The following GNAQ variants were observed in gnomAD, a reference collection of about 807,000 sequenced individuals.
GNAQ encodes the protein G protein subunit alpha q, also known as guanine nucleotide-binding protein G(q) subunit alpha.
A neutral mutation model predicts 43.9 loss-of-function variants in GNAQ; 8 were observed. That is an observed-to-expected ratio of 0.18 (90% CI 0.11 to 0.33). The LOEUF (loss-of-function observed/expected upper bound fraction) is 0.33, where lower values mean the gene tolerates loss of function less well. GNAQ is among the 10% of genes least tolerant of loss of function. GNAQ has a pLI of 1.00. For missense variants in GNAQ, 158 were observed against 450.8 expected, an observed-to-expected ratio of 0.35 and a Z score of 5.88; for synonymous variants, 155 against 170.7, an observed-to-expected ratio of 0.91 and a Z score of 0.71.
At chr9:77,892,639 A>G (rs1044410869) in intron 2 of GNAQ, among the ~76,000 whole-genome samples, 1 of 152,240 alleles carries the variant, frequency 6.6e-6, no homozygotes, top group African/African-American at 2.4e-5. Flanking sequence ...ATAGAAGCTG[A>G]AGAGCATTAT....
At chr9:77,907,075 A>G (rs1412658287) in intron 2 of GNAQ, among the ~76,000 whole-genome samples, 1 of 152,214 alleles carries the variant, frequency 6.6e-6, no homozygotes, top group Non-Finnish European at 1.5e-5. Flanking sequence ...AGGATCTAGT[A>G]TTTATAGAAA....
intron 6 of GNAQ, among the ~76,000 whole-genome samples, chr9:77,728,155 C>T (rs1305445432): frequency 1.3e-5 from 2 of 152,054 alleles, no homozygotes; most frequent in African/African-American, 4.8e-5. Flanking sequence ...CCACCACGCC[C>T]AGCTAATTTT....
At chr9:77,789,212 G>A (rs1235922265) in intron 5 of GNAQ, among the ~76,000 whole-genome samples, 1 of 151,902 alleles carries the variant, frequency 6.6e-6, no homozygotes, top group Non-Finnish European at 1.5e-5. Context: ...TGGAATATAT[G>A]GCTACACACA....
chr9:77,859,293 T>C (rs1827807502), intron 2 of GNAQ, among the ~76,000 whole-genome samples: 1 of 152,230 alleles, frequency 6.6e-6, no homozygotes, highest in Non-Finnish European at 1.5e-5. Context: ...GAAAGTATAT[T>C]CTTACAGTAC....
intron 5 of GNAQ, among the ~76,000 whole-genome samples, chr9:77,747,160 T>G (rs1472691967): frequency 6.6e-6 from 1 of 152,094 alleles, no homozygotes; most frequent in Non-Finnish European, 1.5e-5. Flanking sequence ...CTTCTATGTA[T>G]GTGGAATTTT....
At chr9:77,741,411 G>A (rs1041143349) in intron 5 of GNAQ, among the ~76,000 whole-genome samples, 1 of 152,136 alleles carries the variant, frequency 6.6e-6, no homozygotes, top group Non-Finnish European at 1.5e-5. Flanking sequence ...GGTCTCCCCC[G>A]ATAAATCTGT....
chr9:77,878,494 A>G (rs1485799930), intron 2 of GNAQ, among the ~76,000 whole-genome samples: 1 of 152,112 alleles, frequency 6.6e-6, no homozygotes, highest in East Asian at 1.9e-4. Flanking sequence ...GATTTTTGAA[A>G]TTGAACTGCA....
chr9:77,947,485 G>A (rs891814890), intron 1 of GNAQ, among the ~76,000 whole-genome samples: 6 of 152,156 alleles, frequency 3.9e-5, no homozygotes, highest in African/African-American at 1.2e-4. Context: ...GCATGTGTGG[G>A]TACAAGAAAC....
At chr9:77,724,925 C>CAGAGA (rs1424660690) in intron 6 of GNAQ, among the ~76,000 whole-genome samples, 1 of 151,032 alleles carries the variant, frequency 6.6e-6, no homozygotes, top group Non-Finnish European at 1.5e-5. Flanking sequence ...CTATTAACTC[C>CAGAGA]AGAGAAGTAA....
In GNAQ at chr9:77,743,060, C is replaced by A. The variant is rs563273874; in HGVS notation, c.736-14393G>T. ...GGATCACAAGGTCAAGAGATTGAGA[C>A]CACCCTGGCTAACACGGTGAAACCC... On this transcript the variant is annotated intron_variant, in intron 5 of 6. Transcript: ENST00000286548. Among the ~76,000 whole-genome samples the A allele has an allele frequency of 2.0e-5, 3 of 152,254 alleles. No homozygotes were observed. In the East Asian group the frequency reaches 5.8e-4, roughly 29 times the overall value.
rs892446664 is a variant in GNAQ at position 77,756,033 on chromosome 9, A to G, written c.736-27366T>C. ...CAGTGCAGCCGGAATCAAAGCAGGCAGAAGAACATGGAAAGACTAGACTGG... is the reference window on the plus strand; with the variant it reads ...CAGTGCAGCCGGAATCAAAGCAGGCGGAAGAACATGGAAAGACTAGACTGG... On this transcript the variant is annotated intron_variant, in intron 5 of 6. Transcript: ENST00000286548. Among the ~76,000 whole-genome samples the G allele has an allele frequency of 1.2e-4, 19 of 152,180 alleles. 1 individual carries two copies. Among genetic ancestry groups the G allele is most frequent in the Admixed American group, 3.9e-4 (6 of 15,284 alleles).
chr9:77,719,426 T>G lies in GNAQ; in HGVS notation c.*1897A>C. 1 of 232,634 alleles carries G rather than the reference T, an allele frequency of 4.3e-6. No homozygotes were observed. The highest frequency in any genetic ancestry group is 8.5e-6 in the Non-Finnish European group (1 of 117,686). 14.4% of individuals were successfully genotyped at this position (232,634 alleles called of 1,614,324 possible). ...TGTTTGTTAAATTACAGGTACTTTC[T>G]GAGCAAGGGAAAAAAAAAGTAAGCT... On this transcript the variant is annotated 3_prime_UTR_variant, in exon 7 of 7. Coordinates refer to ENST00000286548, the MANE Select transcript of GNAQ (RefSeq NM_002072.5).
intron 2 of GNAQ, among the ~76,000 whole-genome samples, chr9:77,868,224 A>G (rs1827979751): frequency 6.6e-6 from 1 of 152,236 alleles, no homozygotes; most frequent in Admixed American, 6.5e-5. Context: ...AAATGGTTAC[A>G]CTTTTCAAAA....
intron 1 of GNAQ, among the ~76,000 whole-genome samples, chr9:77,926,870 C>G (rs1218260899): frequency 1.3e-5 from 2 of 152,104 alleles, no homozygotes. Flanking sequence ...TATGAGAAGG[C>G]CACTTCATCC....
chr9:77,795,934 T>G (rs965943642), intron 4 of GNAQ, among the ~76,000 whole-genome samples: 155 of 152,234 alleles, frequency 1.0e-3, no homozygotes, highest in African/African-American at 3.7e-3. Context: ...AATTGTAATC[T>G]GGTTTCAGAA....
chr9:77,948,781 T>C (rs1822938021), intron 1 of GNAQ, among the ~76,000 whole-genome samples: 1 of 152,174 alleles, frequency 6.6e-6, no homozygotes, highest in Non-Finnish European at 1.5e-5. Flanking sequence ...TTTAAATGAA[T>C]ATTCCTACAG....
chr9:77,841,311 A>C (rs1384276716), intron 2 of GNAQ, among the ~76,000 whole-genome samples: 1 of 152,218 alleles, frequency 6.6e-6, no homozygotes, highest in African/African-American at 2.4e-5. Context: ...GCATTTAAAT[A>C]AACAATTATC....
chr9:77,865,168 A>G (rs1169252059), intron 2 of GNAQ, among the ~76,000 whole-genome samples: 3 of 152,214 alleles, frequency 2.0e-5, no homozygotes, highest in Admixed American at 6.5e-5. Flanking sequence ...CCGCTCTTCC[A>G]TACTTCTTTT....
intron 2 of GNAQ, among the ~76,000 whole-genome samples, chr9:77,898,401 C>T (rs767340361): frequency 2.6e-5 from 4 of 152,118 alleles, no homozygotes; most frequent in Non-Finnish European, 4.4e-5. Context: ...CCCATCTAGG[C>T]TATTGCCTAT....
Sources: allele counts gnomAD v4.1 joint callset (sites outside exome capture counted in the v4.1 genomes callset), GRCh38; gene constraint gnomAD v4.1.1; transcripts MANE v1.5; gene names NCBI Gene and HGNC (gene_info 2026-07-23, HGNC 2026-07-21).